Variants in FAM120A observed in about 807,000 individuals in gnomAD.
The protein encoded by FAM120A is constitutive coactivator of PPAR-gamma-like protein 1.
FAM120A carries 15 observed loss-of-function variants against 109.7 expected under a neutral mutation model. That is an observed-to-expected ratio of 0.14 (90% CI 0.09 to 0.21). The LOEUF (loss-of-function observed/expected upper bound fraction) is 0.21. Ranked by LOEUF, FAM120A falls within the 10% of genes least tolerant of loss-of-function variation. The pLI, the probability that FAM120A is intolerant of heterozygous loss-of-function variation, is 1.00. For synonymous variants in FAM120A, 493 were observed against 572.8 expected (o/e 0.86, Z 1.99); for missense variants, 899 against 1,439.3 (o/e 0.62, Z 6.07).
intron 10 of FAM120A, among the ~76,000 whole-genome samples, chr9:93,535,315 A>G (rs1052147456): frequency 2.8e-4 from 42 of 152,216 alleles, no homozygotes; most frequent in Admixed American, 5.9e-4. Context: ...ATGGGGAGCC[A>G]TTGAAGGTTT....
intron 1 of FAM120A, among the ~76,000 whole-genome samples, chr9:93,457,803 T>G: frequency 1.5e-5 from 1 of 67,696 alleles, no homozygotes; most frequent in Admixed American, 1.7e-4. Context: ...AATCTCTTCC[T>G]TTTTTTTTTT....
Position 93,564,984 on chromosome 9 carries a change from G to A in FAM120A, c.*444G>A, listed in dbSNP as rs1862587142. 2 of 152,776 alleles carry A rather than the reference G, an allele frequency of 1.3e-5. No homozygotes were observed. The highest frequency in any genetic ancestry group is 6.6e-5 in the Admixed American group (1 of 15,256). 9.5% of individuals were successfully genotyped at this position (152,776 alleles called of 1,614,324 possible). A position where few individuals can be genotyped will look rare whatever the true frequency, so the allele number is the denominator to read the frequency against. On this transcript the variant is annotated 3_prime_UTR_variant, in exon 18 of 18. Transcript: ENST00000277165. ...TGTTTCACAATGAAGCTTTCTTTAA[G>A]GCTTTGATTTTTATGATTATGAAAG...
Position 93,529,395 on chromosome 9 carries a change from G to C in FAM120A, c.1549G>C (p.Glu517Gln). The stretch of plus-strand genomic sequence containing the variant: ...TGCCTCTTCAGGAAGCCAACTAGCC[G>C]AAGGCAAGGGAAGCCAGATGGGCAC... ...STASSGSQLAEGKGSQMGTVQ... is the reference protein window; with the variant it reads ...STASSGSQLAQGKGSQMGTVQ... Residue 517 changes from glutamate to glutamine, a missense_variant, in exon 9 of 18, where the codon GAA becomes CAA. Physicochemically the swap from Glu to Gln is conservative, Grantham distance 29 (BLOSUM62 2). This residue lies in a region of FAM120A where 57 missense variants were observed against 52.9 expected (regional missense o/e 1.08). Transcript: ENST00000277165. 6.2e-7 allele frequency: 1 copy of C among 1,612,794 alleles called. No homozygotes were observed. Among genetic ancestry groups the C allele is most frequent in the Non-Finnish European group, 8.5e-7 (1 of 1,179,266 alleles).
At chr9:93,485,944 C>T (rs1859027548) in intron 3 of FAM120A, among the ~76,000 whole-genome samples, 1 of 151,656 alleles carries the variant, frequency 6.6e-6, no homozygotes, top group African/African-American at 2.4e-5. Flanking sequence ...AAGGTTTTTC[C>T]ATGTTGTAAC....
intron 5 of FAM120A, among the ~76,000 whole-genome samples, chr9:93,506,304 T>G (rs1004274226): frequency 3.3e-5 from 5 of 152,246 alleles, no homozygotes; most frequent in African/African-American, 1.2e-4. Flanking sequence ...CTTTATTGAT[T>G]TGAATTGTCC....
At chr9:93,497,340 A>G in intron 3 of FAM120A, 131 bp from the exon 4 acceptor site, 1 of 1,182,174 alleles carries the variant, frequency 8.5e-7, no homozygotes, top group Non-Finnish European at 1.2e-6. Flanking sequence ...AGATCTTACA[A>G]GTGGACAATC....
intron 8 of FAM120A, 27 bp downstream of exon 8, chr9:93,527,269 T>A (rs761299039): frequency 6.4e-7 from 1 of 1,566,910 alleles, no homozygotes; most frequent in Non-Finnish European, 8.8e-7. Context: ...TTTTAGTTTT[T>A]GAGTTCTGAC....
intron 7 of FAM120A, 31 bp downstream of exon 7, chr9:93,516,300 C>T (rs1324846119): frequency 6.3e-7 from 1 of 1,597,794 alleles, no homozygotes; most frequent in Admixed American, 1.7e-5. Context: ...TGGGTGCTTC[C>T]TGGCGGGTAG....
rs529273511 is a variant in FAM120A at position 93,534,467 on chromosome 9, A to G, written c.1909+2138A>G. On this transcript the variant is annotated intron_variant, in intron 10 of 17. Coordinates refer to ENST00000277165, the MANE Select transcript of FAM120A (RefSeq NM_014612.5). ...AATGACTCAAGTGAATGGGGGTGCC[A>G]TTGATGTAGGTGGAGGAGGAAAGGG... 1.4e-3 allele frequency among the ~76,000 whole-genome samples: 210 copies of G among 152,272 alleles called. 1 individual carries two copies. Among genetic ancestry groups the G allele is most frequent in the Admixed American group, 3.1e-3 (47 of 15,288 alleles).
chr9:93,465,620 T>G (rs1857980614), intron 1 of FAM120A, among the ~76,000 whole-genome samples: 1 of 152,120 alleles, frequency 6.6e-6, no homozygotes, highest in Admixed American at 6.6e-5. Flanking sequence ...TTATAGAAAA[T>G]TTACAAAGAT....
chr9:93,491,020 A>G (rs1859288093), intron 3 of FAM120A, among the ~76,000 whole-genome samples: 2 of 152,276 alleles, frequency 1.3e-5, no homozygotes, highest in Admixed American at 6.5e-5. Context: ...TGGGCCTGAT[A>G]GATAGATTGG....
chr9:93,497,694 TGCAA>T (rs2131349387), intron 4 of FAM120A, 95 bp downstream of exon 4: 1 of 1,417,084 alleles, frequency 7.1e-7, no homozygotes, highest in East Asian at 2.5e-5. Context: ...GACTTGAGGG[TGCAA>T]GCTGACTGGA....
intron 1 of FAM120A, chr9:93,453,207 C>T (rs1857363539): frequency 9.9e-7 from 1 of 1,005,348 alleles, no homozygotes; most frequent in South Asian, 4.1e-5. Flanking sequence ...TTTTCGGGTG[C>T]ACAGTAAGTA....
chr9:93,529,742 CATT>C, intron 9 of FAM120A, 162 bp downstream of exon 9: 1 of 693,828 alleles, frequency 1.4e-6, no homozygotes, highest in South Asian at 1.7e-5. Context: ...GAAAGATGAA[CATT>C]TATAACTGTA....
In FAM120A at chr9:93,544,162, C is replaced by T. The variant is rs371017928; in HGVS notation, c.2159+691C>T. 7.2e-5 allele frequency among the ~76,000 whole-genome samples: 11 copies of T among 152,302 alleles called. No homozygotes were observed. In the East Asian group the frequency reaches 1.2e-3, roughly 16 times the overall value. On this transcript the variant is annotated intron_variant, in intron 11 of 17. Transcript: ENST00000277165. ...TATATCCAGCTCTGCCTTATCCTTA[C>T]GCACATTGTCCCGGCTTATCCTTGG...
Position 93,527,098 on chromosome 9 carries a change from A to G in FAM120A, c.1419-57A>G, listed in dbSNP as rs150637769. The G allele has an allele frequency of 7.1e-5, 103 of 1,447,356 alleles. No homozygotes were observed. The African/African-American group carries it at 1.2e-3, about 16-fold the overall frequency. The allele number at this position is 1,447,356 out of a possible 1,614,324, so 89.7% of individuals were successfully genotyped here. ...AGACTTAGCTGAGGCCCTTCTTATC[A>G]TTGTCAGCTGGTTTGTGAAAGTGAT... On this transcript the variant is annotated intron_variant, in intron 7 of 17. Transcript: ENST00000277165.
intron 13 of FAM120A, 33 bp downstream of exon 13, chr9:93,556,624 T>C: frequency 6.4e-7 from 1 of 1,572,904 alleles, no homozygotes; most frequent in South Asian, 1.1e-5. Context: ...TGCCTTTAAC[T>C]GCAATGAAAT....
chr9:93,562,767 C>T (rs1173298291), intron 17 of FAM120A, among the ~76,000 whole-genome samples: 11 of 150,558 alleles, frequency 7.3e-5, no homozygotes, highest in African/African-American at 2.5e-4. Flanking sequence ...CGGGTTCAAG[C>T]GATTCGCTTG....
At position 93,557,997 on chromosome 9, in the gene FAM120A, C is replaced by T. The variant is rs543173621; in HGVS notation, c.2655C>T (p.Gly885=). 1.2e-5 allele frequency: 19 copies of T among 1,594,248 alleles called. No homozygotes were observed. In the African/African-American group the frequency reaches 2.0e-4, roughly 17 times the overall value. ...FGPVPPSQGR[G]RGFAGVCGFG... ...CTGTCCCACCCTCTCAGGGCAGGGG[C>T]AGAGGCTTTGCAGGTGAGTTGATTG... Residue 885 remains glycine (G), a synonymous_variant, in exon 14 of 18, where the codon GGC becomes GGT. Coordinates refer to ENST00000277165, the MANE Select transcript of FAM120A (RefSeq NM_014612.5).
Sources: allele counts gnomAD v4.1 joint callset (sites outside exome capture counted in the v4.1 genomes callset), GRCh38; gene constraint gnomAD v4.1.1; regional missense constraint gnomAD v4.1.1; transcripts MANE v1.5; gene names NCBI Gene and HGNC (gene_info 2026-07-23, HGNC 2026-07-21).